The following COPB2 variants were observed in gnomAD, a reference collection of about 807,000 sequenced individuals.
COPB2 encodes the protein coat protein complex I subunit beta 2.
In COPB2, 16 loss-of-function variants were observed where a neutral mutation model predicts 120.8. That is an observed-to-expected ratio of 0.13 (90% CI 0.09 to 0.20). COPB2 has a LOEUF of 0.20. Among genes scored for constraint, COPB2 ranks in the 10% least tolerant of loss-of-function variants. The pLI is 1.00. For missense variants in COPB2, 794 were observed against 1,076.5 expected (o/e 0.74, Z 3.67); for synonymous variants, 332 against 366.3 (o/e 0.91, Z 1.07).
rs1421976369 is a variant in COPB2, at chr3:139,383,440, A to G, written c.4-5T>C. 1.3e-6 allele frequency: 2 copies of G among 1,539,906 alleles called. No individual in the cohort carries two copies. Among genetic ancestry groups the G allele is most frequent in the Non-Finnish European group, 1.7e-6 (2 of 1,146,924 alleles). ...TTTGATATCAAGTCGCAGAGGCTAA[A>G]AAGAAACATTAAAAAAATTAAATTG... On this transcript the variant is annotated splice_polypyrimidine_tract_variant and splice_region_variant and intron_variant, in intron 1 of 21. Transcript: ENST00000333188.
In COPB2 at chr3:139,379,625, A is replaced by G. The variant is rs1941772131; in HGVS notation, c.142-159T>C. The G allele has an allele frequency of 5.1e-6, 3 of 588,006 alleles. No homozygotes were observed. In the East Asian group the frequency reaches 8.8e-5, roughly 17 times the overall value. The allele number at this position is 588,006 out of a possible 1,614,324, so 36.4% of individuals were successfully genotyped here. ...CTCAACATTCAAATTTTTAAAAAAG[A>G]CCAACTATCTTTTAATAGATTCGAA... On this transcript the variant is annotated intron_variant, in intron 2 of 21. Coordinates refer to ENST00000333188, the MANE Select transcript of COPB2 (RefSeq NM_004766.3).
intron 15 of COPB2, among the ~76,000 whole-genome samples, chr3:139,363,584 A>G (rs1941465410): frequency 6.6e-6 from 1 of 152,200 alleles, no homozygotes; most frequent in Admixed American, 6.5e-5. Flanking sequence ...TTCTCCTTCA[A>G]GACAAACACT....
At chr3:139,364,663 T>C (rs1396092193) in intron 15 of COPB2, among the ~76,000 whole-genome samples, 1 of 152,196 alleles carries the variant, frequency 6.6e-6, no homozygotes, top group Non-Finnish European at 1.5e-5. Context: ...GCTTGTTAAA[T>C]TCATTACATA....
chr3:139,371,211 T>G (rs2107802947), intron 10 of COPB2, among the ~76,000 whole-genome samples: 1 of 152,368 alleles, frequency 6.6e-6, no homozygotes, highest in East Asian at 1.9e-4. Context: ...ATGAACATTC[T>G]GAATTCAGAC....
chr3:139,358,929 A>G, intron 19 of COPB2, 69 bp downstream of exon 19: 1 of 1,587,012 alleles, frequency 6.3e-7, no homozygotes, highest in Non-Finnish European at 8.6e-7. Context: ...GCAGTTCAAA[A>G]TCTGAAGTCC....
Position 139,378,044 on chromosome 3 carries a change from G to T in COPB2, c.501C>A (p.Ile167=), listed in dbSNP as rs1385018826. Reference sequence around the variant, plus strand: ...ACACAAAATGTGGATGCCCTACCTTGATAGTCCTGTCCAAAGAGGCACTGG... The same window carrying T: ...ACACAAAATGTGGATGCCCTACCTTTATAGTCCTGTCCAAAGAGGCACTGG... ...QFASASLDRT[I]KVWQLGSSSP... Residue 167 remains isoleucine, a synonymous_variant, in exon 5 of 22, where the codon ATC becomes ATA. Transcript: ENST00000333188. The T allele has an allele frequency of 6.5e-7, 1 of 1,544,058 alleles. No individual in the cohort carries two copies. The highest frequency in any genetic ancestry group is 2.3e-5 in the East Asian group (1 of 43,952).
In COPB2 at chr3:139,358,801, CTCT is replaced by C; in HGVS notation, c.2493_2495del (p.Glu832del). The C allele has an allele frequency of 1.9e-6, 3 of 1,612,562 alleles. No individual in the cohort carries two copies. Among genetic ancestry groups the C allele is most frequent in the Non-Finnish European group, 2.5e-6 (3 of 1,178,680 alleles). ...CTTTTCCCTCTTCCATGACATTTCT[CTCT>C]TCATTTGGCTATCAGAGAATAAAGC... On this transcript the variant is annotated inframe_deletion, in exon 20 of 22. Coordinates refer to ENST00000333188, the MANE Select transcript of COPB2 (RefSeq NM_004766.3).
At chr3:139,378,330 T>C in intron 4 of COPB2, 141 bp from the exon 5 acceptor site, 1 of 718,372 alleles carries the variant, frequency 1.4e-6, no homozygotes, top group Non-Finnish European at 2.0e-6. Flanking sequence ...CAAATAGAGT[T>C]TTCAAAATGC....
At chr3:139,374,020 C>T (rs761178185) in intron 7 of COPB2, among the ~76,000 whole-genome samples, 10 of 152,242 alleles carry the variant, frequency 6.6e-5, no homozygotes, top group Middle Eastern at 3.4e-3. Context: ...CTAAGAATTA[C>T]GATTTTAAAC....
At position 139,379,086 on chromosome 3, in the gene COPB2, C is replaced by A; in HGVS notation, c.316G>T (p.Ala106Ser). ...ATGAAAGGCTGGGTTGGATGAACAG[C>A]AATACAGCGAATGTAGTCTGAGTGT... ...EAHSDYIRCI[A>S]VHPTQPFILT... Residue 106 changes from alanine to serine, a missense_variant, in exon 4 of 22, where the codon GCT becomes TCT. Coordinates refer to ENST00000333188, the MANE Select transcript of COPB2 (RefSeq NM_004766.3). 1 of 1,610,814 alleles carries A rather than the reference C, an allele frequency of 6.2e-7. No individual in the cohort carries two copies. Among genetic ancestry groups the A allele is most frequent in the Non-Finnish European group, 8.5e-7 (1 of 1,179,154 alleles).
At chr3:139,358,332 T>C in intron 20 of COPB2, 61 bp from the exon 21 acceptor site, 2 of 1,432,976 alleles carry the variant, frequency 1.4e-6, no homozygotes, top group African/African-American at 1.4e-5. Context: ...ATTTAAAGTT[T>C]TCCCCCAAGA....
intron 1 of COPB2, among the ~76,000 whole-genome samples, chr3:139,386,296 G>A (rs950757723): frequency 1.3e-5 from 2 of 149,842 alleles, no homozygotes; most frequent in South Asian, 2.1e-4. Flanking sequence ...TTGCTCTGTC[G>A]CCCAGACTGG....
chr3:139,385,484 C>T (rs534650749), intron 1 of COPB2: 1 of 152,226 alleles, frequency 6.6e-6, no homozygotes, highest in South Asian at 2.1e-4. Flanking sequence ...GTAGATTTAT[C>T]TTGTCAAAAA....
At chr3:139,367,293 ATT>A (rs200861935) in intron 13 of COPB2, 148 bp from the exon 14 acceptor site, 4,422 of 677,556 alleles carry the variant, frequency 6.5e-3, no homozygotes, top group South Asian at 0.01. Context: ...TTTCCTTGGA[ATT>A]TTTTTTTTTT....
In COPB2 at chr3:139,357,626, G is replaced by A. The variant is rs1416998932; in HGVS notation, c.*237C>T. 1 of 368,354 alleles carries A rather than the reference G, an allele frequency of 2.7e-6. No homozygotes were observed. The highest frequency in any genetic ancestry group is 4.8e-6 in the Non-Finnish European group (1 of 207,264). 22.8% of individuals were successfully genotyped at this position (368,354 alleles called of 1,614,324 possible). On this transcript the variant is annotated 3_prime_UTR_variant, in exon 22 of 22. Transcript: ENST00000333188. ...AGGTTTTATGAGATATGGTCTAATA[G>A]TATGAAAAAAATCAAAGCCCATGTC...
At chr3:139,379,566 C>G in intron 2 of COPB2, 100 bp from the exon 3 acceptor site, 1 of 927,444 alleles carries the variant, frequency 1.1e-6, no homozygotes, top group Non-Finnish European at 1.7e-6. Flanking sequence ...GATCACTTCT[C>G]ATTTTAGTAT....
chr3:139,379,261 A>G (rs1386171028), intron 3 of COPB2, 88 bp from the exon 4 acceptor site: 4 of 1,552,344 alleles, frequency 2.6e-6, no homozygotes, highest in Non-Finnish European at 3.5e-6. Flanking sequence ...AATAAAGTCT[A>G]TGCCTCAAAA....
chr3:139,357,995 G>A, intron 21 of COPB2, 37 bp from the exon 22 acceptor site: 1 of 1,292,460 alleles, frequency 7.7e-7, no homozygotes, highest in Non-Finnish European at 1.1e-6. Flanking sequence ...AAGTTTTACA[G>A]TACTGTTAAA....
intron 2 of COPB2, chr3:139,381,064 G>C (rs996974242): frequency 1.1e-4 from 16 of 152,188 alleles, no homozygotes; most frequent in African/African-American, 3.6e-4. Flanking sequence ...ATACTTATAT[G>C]GTACTTTATA....
Sources: gnomAD v4.1 joint callset for allele counts (sites outside exome capture counted in the v4.1 genomes callset) on GRCh38, gnomAD v4.1.1 for gene constraint, MANE v1.5 for transcripts, NCBI Gene and HGNC (gene_info 2026-07-23, HGNC 2026-07-21) for gene names.